The following GVQW3 variants were observed in gnomAD, a reference collection of about 807,000 sequenced individuals.
GVQW3 encodes protein GVQW3.
Under a neutral mutation model 12.5 loss-of-function variants are expected in GVQW3, and 7 were observed. The observed-to-expected ratio is 0.56, with a 90% CI of 0.32 to 1.05. GVQW3 has a LOEUF of 1.05. Among genes scored for constraint, GVQW3 ranks in the 50% least tolerant of loss-of-function variants. GVQW3 has a pLI of 0.04. For missense variants in GVQW3, 188 were observed against 190.8 expected, an observed-to-expected ratio of 0.99 and a Z score of 0.09; for synonymous variants, 71 against 67.2, an observed-to-expected ratio of 1.06 and a Z score of -0.28.
chr11:76,390,640 G>A (rs1158627413), intron 1 of GVQW3, among the ~76,000 whole-genome samples: 6 of 151,984 alleles, frequency 3.9e-5, no homozygotes, highest in Non-Finnish European at 8.8e-5. Flanking sequence ...TCGAGACCAC[G>A]GTGAAACCCC....
rs558593715 is a variant in GVQW3, at chr11:76,403,942, T to C, written c.*184T>C. The C allele has an allele frequency of 1.4e-6, 1 of 701,594 alleles. No homozygotes were observed. The highest frequency in any genetic ancestry group is 1.7e-5 in the African/African-American group (1 of 57,352). The allele number at this position is 701,594 out of a possible 1,614,324, so 43.5% of individuals were successfully genotyped here. On this transcript the variant is annotated 3_prime_UTR_variant, in exon 2 of 2. Coordinates refer to ENST00000529331, the MANE Select transcript of GVQW3 (RefSeq NM_001347885.2). The stretch of plus-strand genomic sequence containing the variant: ...TTCAGGTCCTCAATGAATTGGATGA[T>C]GTCCATGCACATTAGGGAGGGCTGC...
chr11:76,382,546 T>C, intron 1 of GVQW3: 1 of 603,510 alleles, frequency 1.7e-6, no homozygotes, highest in Non-Finnish European at 2.9e-6. Context: ...TTTTTCAGTC[T>C]TCACCACTCC....
In GVQW3 at chr11:76,404,291, G is replaced by C. The variant is rs1402305164; in HGVS notation, c.*533G>C. On this transcript the variant is annotated 3_prime_UTR_variant, in exon 2 of 2. Coordinates refer to ENST00000529331, the MANE Select transcript of GVQW3 (RefSeq NM_001347885.2). The stretch of plus-strand genomic sequence containing the variant: ...AAATAAGAAAACTGAAGCTCAGAAA[G>C]GTTGTCTAAACTGCCAAAGCCATAG... The C allele has an allele frequency of 1.0e-5, 3 of 297,516 alleles. No homozygotes were observed. Among genetic ancestry groups the C allele is most frequent in the Non-Finnish European group, 1.8e-5 (3 of 162,946 alleles). 18.4% of individuals were successfully genotyped at this position (297,516 alleles called of 1,614,324 possible). A position where few individuals can be genotyped will look rare whatever the true frequency, so the allele number is the denominator to read the frequency against.
chr11:76,402,628 C>A (rs752138550), intron 1 of GVQW3, among the ~76,000 whole-genome samples: 1 of 152,060 alleles, frequency 6.6e-6, no homozygotes, highest in Non-Finnish European at 1.5e-5. Flanking sequence ...CGATGTGAGA[C>A]CCATCTTCAT....
intron 1 of GVQW3, among the ~76,000 whole-genome samples, chr11:76,389,301 T>C (rs1051458736): frequency 2.0e-5 from 3 of 152,256 alleles, no homozygotes; most frequent in Admixed American, 2.0e-4. Flanking sequence ...CCTGGTTTTA[T>C]GCTTTAAAAA....
chr11:76,402,455 A>G (rs1180038583), intron 1 of GVQW3, among the ~76,000 whole-genome samples: 1 of 151,736 alleles, frequency 6.6e-6, no homozygotes, highest in Non-Finnish European at 1.5e-5. Flanking sequence ...CAGGAGGCTG[A>G]GCCAGGAGAA....
rs2134564064 is a variant in GVQW3, at chr11:76,404,281, A to C, written c.*523A>C. On this transcript the variant is annotated 3_prime_UTR_variant, in exon 2 of 2. Transcript: ENST00000529331. ...TCCATTTTATAAATAAGAAAACTGA[A>C]GCTCAGAAAGGTTGTCTAAACTGCC... is the stretch of plus-strand genomic sequence containing the variant. 3.2e-6 allele frequency: 1 copy of C among 311,044 alleles called. No homozygotes were observed. 19.3% of individuals were successfully genotyped at this position (311,044 alleles called of 1,614,324 possible). A position where few individuals can be genotyped will look rare whatever the true frequency, so the allele number is the denominator to read the frequency against.
At chr11:76,384,772 CT>C (rs1166327453) in intron 1 of GVQW3, among the ~76,000 whole-genome samples, 20 of 152,340 alleles carry the variant, frequency 1.3e-4, no homozygotes, top group African/African-American at 4.8e-4. Flanking sequence ...ACAATGAAGT[CT>C]TCCTACATCA....
chr11:76,391,310 A>G (rs911965045), intron 1 of GVQW3, among the ~76,000 whole-genome samples: 4 of 152,338 alleles, frequency 2.6e-5, no homozygotes, highest in South Asian at 2.1e-4. Context: ...TTAAGTCCAC[A>G]AAGACAAATG....
chr11:76,386,708 C>A (rs1421249911), intron 1 of GVQW3, among the ~76,000 whole-genome samples: 2 of 152,154 alleles, frequency 1.3e-5, no homozygotes, highest in African/African-American at 4.8e-5. Context: ...ACTGTGCATT[C>A]TCCAATTACT....
chr11:76,389,997 G>A (rs974915782), intron 1 of GVQW3: 1 of 152,156 alleles, frequency 6.6e-6, no homozygotes, highest in Middle Eastern at 3.2e-3. Context: ...TTTTATTTAT[G>A]TCTGAAAAAT....
chr11:76,400,257 C>G (rs963189971), intron 1 of GVQW3, among the ~76,000 whole-genome samples: 2 of 151,652 alleles, frequency 1.3e-5, no homozygotes, highest in Non-Finnish European at 1.5e-5. Context: ...GGATTACGGG[C>G]GCCTGCCACC....
intron 1 of GVQW3, chr11:76,392,134 A>G (rs959700736): frequency 2.6e-5 from 4 of 152,256 alleles, no homozygotes; most frequent in African/African-American, 9.6e-5. Context: ...TAGACTGTCA[A>G]TTTTTCCCAG....
At chr11:76,409,485 T>C (rs1947067741), downstream of GVQW3, among the ~76,000 whole-genome samples, 1 of 152,220 alleles carries the variant, frequency 6.6e-6, no homozygotes, top group South Asian at 2.1e-4. Context: ...GAAAATGCTT[T>C]CTTCTTTATC....
At chr11:76,384,170 ACT>A (rs903216409) in intron 1 of GVQW3, among the ~76,000 whole-genome samples, 33 of 152,198 alleles carry the variant, frequency 2.2e-4, no homozygotes, top group African/African-American at 8.0e-4. Context: ...TCTTTGTTTT[ACT>A]CAAGGATTTT....
At position 76,382,047 on chromosome 11, in the gene GVQW3, C is replaced by T. The variant is rs1946777293; in HGVS notation, c.219C>T (p.Asp73=). The T allele has an allele frequency of 6.5e-7, 1 of 1,536,532 alleles. No homozygotes were observed. The highest frequency in any genetic ancestry group is 1.2e-5 in the South Asian group (1 of 84,064). Residue 73 remains aspartate (D), a synonymous_variant, in exon 1 of 2, where the codon GAC becomes GAT. Transcript: ENST00000529331. ...GTCCAGTCACCCACCGAACAGATGA[C>T]AATATCCAGAAGGTCAAGGACTTGG... ...SGRPVTHRTD[D]NIQKVKDLVC... is the part of the protein sequence containing the mutation.
In GVQW3 at chr11:76,403,831, G is replaced by C. The variant is rs991069155; in HGVS notation, c.*73G>C. 4.4e-6 allele frequency: 3 copies of C among 679,036 alleles called. No individual in the cohort carries two copies. Among genetic ancestry groups the C allele is most frequent in the Non-Finnish European group, 8.1e-6 (3 of 370,592 alleles). The allele number at this position is 679,036 out of a possible 1,614,324, so 42.1% of individuals were successfully genotyped here. A position where few individuals can be genotyped will look rare whatever the true frequency, so the allele number is the denominator to read the frequency against. On this transcript the variant is annotated 3_prime_UTR_variant, in exon 2 of 2. Coordinates refer to ENST00000529331, the MANE Select transcript of GVQW3 (RefSeq NM_001347885.2). ...TCTGAGTCCACAGGCCGAAGAGCGA[G>C]GAGTGCTGATGTACAAGGGCAGGAG...
At chr11:76,400,855 TG>T (rs1946982979) in intron 1 of GVQW3, among the ~76,000 whole-genome samples, 1 of 152,166 alleles carries the variant, frequency 6.6e-6, no homozygotes, top group Non-Finnish European at 1.5e-5. Context: ...GTCCTCAAAA[TG>T]TTTCTTCAGA....
At chr11:76,394,701 A>T (rs185191226) in intron 1 of GVQW3, among the ~76,000 whole-genome samples, 2 of 152,312 alleles carry the variant, frequency 1.3e-5, no homozygotes, top group Non-Finnish European at 2.9e-5. Context: ...TTTTGGGTAT[A>T]TACCTAACAA....
Sources: allele counts gnomAD v4.1 joint callset (sites outside exome capture counted in the v4.1 genomes callset), GRCh38; gene constraint gnomAD v4.1.1; transcripts MANE v1.5; gene names NCBI Gene and HGNC (gene_info 2026-07-23, HGNC 2026-07-21).